DNAH14: variants seen among roughly 807,000 people sequenced by gnomAD.
DNAH14 encodes axonemal beta dynein heavy chain 14.
In DNAH14, 478 loss-of-function variants were observed where a neutral mutation model predicts 520.9. That is an observed-to-expected ratio of 0.92 (90% CI 0.85 to 0.99). The LOEUF is 0.99. DNAH14 is among the 50% of genes least tolerant of loss of function. The pLI, the probability that DNAH14 is intolerant of heterozygous loss-of-function variation, is 0.00. For missense variants in DNAH14, 4,831 were observed against 5,234.5 expected, an observed-to-expected ratio of 0.92 and a Z score of 2.38; for synonymous variants, 1,581 against 1,757.2, an observed-to-expected ratio of 0.90 and a Z score of 2.51.
intron 49 of DNAH14, 32 bp downstream of exon 49, chr1:225,266,801 A>G: frequency 6.9e-7 from 1 of 1,448,982 alleles, no homozygotes; most frequent in Non-Finnish European, 9.1e-7. Flanking sequence ...TGTTCACATT[A>G]AGTATTATTT....
At chr1:225,142,549 C>T (rs545129617) in intron 28 of DNAH14, among the ~76,000 whole-genome samples, 6 of 152,130 alleles carry the variant, frequency 3.9e-5, no homozygotes, top group Non-Finnish European at 7.3e-5. Flanking sequence ...GTAGCAAACA[C>T]GATTGCAAGT....
rs1462901162 is a variant in DNAH14 at position 225,039,331 on chromosome 1, T to C, written c.1488+508T>C. Reference sequence around the variant, plus strand: ...GCTTTTGTTCAAAGCATTTTTGTTGTGTTCTTAACTTAAAAATGGGAGAAG... The same window carrying C: ...GCTTTTGTTCAAAGCATTTTTGTTGCGTTCTTAACTTAAAAATGGGAGAAG... On this transcript the variant is annotated intron_variant, in intron 12 of 85. Coordinates refer to ENST00000682510, the MANE Select transcript of DNAH14 (RefSeq NM_001367479.1). 2.0e-5 allele frequency among the ~76,000 whole-genome samples: 3 copies of C among 152,226 alleles called. No homozygotes were observed. The East Asian group carries it at 5.8e-4, about 29-fold the overall frequency.
chr1:224,967,881 A>T (rs2061284575), intron 6 of DNAH14: 1 of 1,280,894 alleles, frequency 7.8e-7, no homozygotes, highest in Admixed American at 4.0e-5. Context: ...TTGCTAGCTT[A>T]ATGGGAACTA....
chr1:225,063,103 A>G (rs2070390301), intron 17 of DNAH14, among the ~76,000 whole-genome samples: 1 of 143,044 alleles, frequency 7.0e-6, no homozygotes, highest in Non-Finnish European at 1.5e-5. Context: ...AAACATGAAC[A>G]TAACAGACAA....
At chr1:225,250,869 G>T (rs931099993) in intron 43 of DNAH14, among the ~76,000 whole-genome samples, 1 of 152,158 alleles carries the variant, frequency 6.6e-6, no homozygotes, top group African/African-American at 2.4e-5. Context: ...GTATATCATT[G>T]CCAGGGAGTG....
chr1:225,081,035 A>C (rs1052097763), intron 19 of DNAH14, among the ~76,000 whole-genome samples: 1 of 152,242 alleles, frequency 6.6e-6, no homozygotes, highest in African/African-American at 2.4e-5. Context: ...TTCTTAGGGC[A>C]CTGGTCAGAG....
intron 11 of DNAH14, among the ~76,000 whole-genome samples, chr1:225,028,400 T>G (rs1386305769): frequency 6.6e-6 from 1 of 152,098 alleles, no homozygotes; most frequent in Non-Finnish European, 1.5e-5. Flanking sequence ...TCTAACTTAT[T>G]TAAACTGTTG....
At chr1:225,052,766 G>A (rs2068666676) in intron 17 of DNAH14, among the ~76,000 whole-genome samples, 1 of 152,206 alleles carries the variant, frequency 6.6e-6, no homozygotes, top group Non-Finnish European at 1.5e-5. Flanking sequence ...TGCAGGAGTA[G>A]GTTGATTTAA....
rs1164717772 is a variant in DNAH14, at chr1:225,252,372, C to T, written c.6820C>T (p.Pro2274Ser). 3 of 1,548,788 alleles carry T rather than the reference C, an allele frequency of 1.9e-6. No individual in the cohort carries two copies. Among genetic ancestry groups the T allele is most frequent in the Admixed American group, 2.0e-5 (1 of 50,880 alleles). Residue 2274 changes from proline to serine, a missense_variant, in exon 44 of 86, where the codon CCT becomes TCT. Coordinates refer to ENST00000682510, the MANE Select transcript of DNAH14 (RefSeq NM_001367479.1). The stretch of plus-strand genomic sequence containing the variant: ...GGATATAGAGCAATGTGAATTCATA[C>T]CTTGGTCAGATTTAGTTCCTAATGA... ...FVDIEQCEFI[P>S]WSDLVPNDQT...
chr1:225,128,164 G>A (rs2077968545), intron 27 of DNAH14, among the ~76,000 whole-genome samples: 2 of 151,976 alleles, frequency 1.3e-5, no homozygotes, highest in Non-Finnish European at 2.9e-5. Flanking sequence ...TTTCAACTTT[G>A]GTGAATCTGA....
At chr1:225,352,912 C>T (rs369747258) in intron 72 of DNAH14, among the ~76,000 whole-genome samples, 4 of 151,820 alleles carry the variant, frequency 2.6e-5, no homozygotes, top group East Asian at 1.9e-4. Flanking sequence ...TATTTTGTTG[C>T]GTTTATCACT....
chr1:225,229,685 A>G (rs2090908663), intron 41 of DNAH14, among the ~76,000 whole-genome samples: 1 of 152,078 alleles, frequency 6.6e-6, no homozygotes, highest in African/African-American at 2.4e-5. Flanking sequence ...ACCAGACACC[A>G]CATGTTCTCA....
intron 17 of DNAH14, among the ~76,000 whole-genome samples, chr1:225,054,643 G>T (rs146939324): frequency 6.6e-5 from 10 of 152,066 alleles, no homozygotes; most frequent in Admixed American, 1.3e-4. Flanking sequence ...ATTTCTGGTG[G>T]TTTTTCCTAC....
intron 20 of DNAH14, 92 bp from the exon 21 acceptor site, chr1:225,085,452 G>A: frequency 8.6e-7 from 1 of 1,157,050 alleles, no homozygotes; most frequent in Non-Finnish European, 1.2e-6. Flanking sequence ...TTTTTGATGT[G>A]CCTTTCAAAA....
At chr1:225,089,640 G>C (rs2074192134) in intron 21 of DNAH14, among the ~76,000 whole-genome samples, 1 of 151,974 alleles carries the variant, frequency 6.6e-6, no homozygotes. Context: ...TTATTACCAA[G>C]AGAGATTAAT....
intron 1 of DNAH14, among the ~76,000 whole-genome samples, chr1:224,941,297 T>G (rs1158247618): frequency 2.6e-5 from 4 of 152,050 alleles, no homozygotes; most frequent in African/African-American, 9.7e-5. Context: ...TCATGTGTCT[T>G]TTGGCTGCAT....
intron 77 of DNAH14, among the ~76,000 whole-genome samples, chr1:225,371,806 A>C (rs1200852834): frequency 1.3e-5 from 2 of 152,196 alleles, no homozygotes; most frequent in Non-Finnish European, 2.9e-5. Flanking sequence ...GTACTTTCAC[A>C]GCAGTGATGA....
At chr1:225,374,287 A>T in intron 77 of DNAH14, among the ~76,000 whole-genome samples, 1 of 139,344 alleles carries the variant, frequency 7.2e-6, no homozygotes. Context: ...TTTGAGATAG[A>T]GTCTCACTCT....
At chr1:225,179,364 G>T (rs1053770751) in intron 36 of DNAH14, among the ~76,000 whole-genome samples, 1 of 151,770 alleles carries the variant, frequency 6.6e-6, no homozygotes, top group African/African-American at 2.4e-5. Context: ...TTAGTTCCTT[G>T]CTTTTTATTT....
Sources: gnomAD v4.1 joint callset for allele counts (sites outside exome capture counted in the v4.1 genomes callset) on GRCh38, gnomAD v4.1.1 for gene constraint, MANE v1.5 for transcripts, NCBI Gene and HGNC (gene_info 2026-07-23, HGNC 2026-07-21) for gene names.